PLD5: variants seen among roughly 807,000 people sequenced by gnomAD.
PLD5 encodes inactive phospholipase D5.
A neutral mutation model predicts 61.1 loss-of-function variants in PLD5; 36 were observed. That is an observed-to-expected ratio of 0.59 (90% CI 0.45 to 0.78). PLD5 has a LOEUF of 0.78. PLD5 is among the 30% of genes least tolerant of loss of function. The probability of loss-of-function intolerance (pLI) is 0.00; values close to 1 mark genes in which losing one functional copy is unlikely to be tolerated. For synonymous variants in PLD5, 243 were observed against 242.8 expected (o/e 1.00, Z -0.01); for missense variants, 515 against 644.4 (o/e 0.80, Z 2.17).
chr1:242,467,373 G>A (rs1667309420), intron 1 of PLD5, among the ~76,000 whole-genome samples: 1 of 152,144 alleles, frequency 6.6e-6, no homozygotes, highest in African/African-American at 2.4e-5. Context: ...TGAAGGTAGT[G>A]GTTATAGTAG....
At chr1:242,467,451 T>A (rs1259742331) in intron 1 of PLD5, among the ~76,000 whole-genome samples, 1 of 152,208 alleles carries the variant, frequency 6.6e-6, no homozygotes. Flanking sequence ...AAAGGCTTTG[T>A]GGTTTTTATA....
In PLD5 at chr1:242,460,631, A is replaced by G. The variant is rs114322554; in HGVS notation, c.189+63457T>C. ...CTATACAGACACACAAACAACACAT[A>G]CATACATACACACACATACACACAC... On this transcript the variant is annotated intron_variant, in intron 1 of 9. Transcript: ENST00000536534. Among the ~76,000 whole-genome samples the G allele has an allele frequency of 9.8e-3, 1,485 of 152,090 alleles. 31 individuals carry two copies. The highest frequency in any genetic ancestry group is 0.034 in the African/African-American group (1,415 of 41,414).
intron 1 of PLD5, among the ~76,000 whole-genome samples, chr1:242,398,954 G>C (rs1663762591): frequency 6.6e-6 from 1 of 152,102 alleles, no homozygotes; most frequent in African/African-American, 2.4e-5. Flanking sequence ...GACATAGTGA[G>C]CCCCCTCTCT....
rs559824196 is a variant in PLD5, at chr1:242,474,619, T to A, written c.189+49469A>T. Reference sequence around the variant, plus strand: ...CTTCCAAATACAGAACTGATTAGGTTATTCCTTTGCTTAAAACCCTCTAGT... The same window carrying A: ...CTTCCAAATACAGAACTGATTAGGTAATTCCTTTGCTTAAAACCCTCTAGT... On this transcript the variant is annotated intron_variant, in intron 1 of 9. Transcript: ENST00000536534. Among the ~76,000 whole-genome samples the A allele has an allele frequency of 1.1e-4, 17 of 152,330 alleles. No homozygotes were observed. The East Asian group carries it at 2.3e-3, about 21-fold the overall frequency.
chr1:242,524,057 G>T, intron 1 of PLD5, 31 bp downstream of exon 1: 1 of 1,524,202 alleles, frequency 6.6e-7, no homozygotes, highest in Non-Finnish European at 8.8e-7. Flanking sequence ...CAGGTGCCTG[G>T]CCGAGGCCCC....
chr1:242,460,481 A>G (rs1220307545), intron 1 of PLD5, among the ~76,000 whole-genome samples: 1 of 152,172 alleles, frequency 6.6e-6, no homozygotes, highest in East Asian at 1.9e-4. Context: ...CAAACTTCAT[A>G]ATTTCTTATA....
intron 2 of PLD5, among the ~76,000 whole-genome samples, chr1:242,313,297 C>T (rs186026788): frequency 1.3e-5 from 2 of 152,330 alleles, no homozygotes; most frequent in Non-Finnish European, 2.9e-5. Flanking sequence ...CTAATCTATG[C>T]TATGCCCATC....
intron 4 of PLD5, among the ~76,000 whole-genome samples, chr1:242,223,845 TATAA>T (rs1164924940): frequency 2.4e-5 from 3 of 124,698 alleles, no homozygotes; most frequent in African/African-American, 6.5e-5. Flanking sequence ...TGTAGATATA[TATAA>T]ATAGAGAGAG....
chr1:242,296,632 C>T (rs1340440738), intron 2 of PLD5, among the ~76,000 whole-genome samples: 1 of 152,146 alleles, frequency 6.6e-6, no homozygotes, highest in African/African-American at 2.4e-5. Context: ...TTCCCCAAGA[C>T]TTTGGATCAG....
intron 5 of PLD5, among the ~76,000 whole-genome samples, chr1:242,163,138 TTTTCTTTTC>T (rs1160762621): frequency 3.0e-5 from 4 of 131,406 alleles, no homozygotes; most frequent in Non-Finnish European, 6.7e-5. Context: ...TTTTATTTTC[TTTTCTTTTC>T]TTTCTTTTCT....
At chr1:242,199,628 G>A (rs1384953668) in intron 5 of PLD5, among the ~76,000 whole-genome samples, 1 of 152,106 alleles carries the variant, frequency 6.6e-6, no homozygotes, top group Non-Finnish European at 1.5e-5. Context: ...ATCCACTGAA[G>A]GAACATGCAA....
At chr1:242,108,150 G>A (rs1214224201) in intron 7 of PLD5, among the ~76,000 whole-genome samples, 2 of 152,074 alleles carry the variant, frequency 1.3e-5, no homozygotes, top group East Asian at 3.9e-4. Flanking sequence ...GACGCTACCT[G>A]GGCCTCAGTC....
intron 1 of PLD5, among the ~76,000 whole-genome samples, chr1:242,480,934 T>C (rs376156140): frequency 3.3e-5 from 5 of 152,166 alleles, no homozygotes; most frequent in African/African-American, 1.2e-4. Flanking sequence ...ATTTAAAAAA[T>C]AGTCTGGTAG....
chr1:242,259,665 T>A (rs1375086408), intron 4 of PLD5, among the ~76,000 whole-genome samples: 1 of 152,144 alleles, frequency 6.6e-6, no homozygotes, highest in Non-Finnish European at 1.5e-5. Context: ...CATTTTATCA[T>A]CCAACCATGA....
chr1:242,459,322 AG>A (rs1366893501), intron 1 of PLD5, among the ~76,000 whole-genome samples: 3 of 152,224 alleles, frequency 2.0e-5, no homozygotes, highest in African/African-American at 7.2e-5. Flanking sequence ...AGGCCTCTCA[AG>A]CACACTTACC....
intron 1 of PLD5, among the ~76,000 whole-genome samples, chr1:242,392,889 C>T (rs1031737621): frequency 1.3e-5 from 2 of 152,170 alleles, no homozygotes; most frequent in Non-Finnish European, 2.9e-5. Flanking sequence ...AAATTAAACA[C>T]ATGTACAAAG....
chr1:242,427,708 C>T (rs1489721190), intron 1 of PLD5, among the ~76,000 whole-genome samples: 1 of 152,176 alleles, frequency 6.6e-6, no homozygotes, highest in African/African-American at 2.4e-5. Flanking sequence ...TGATGATTAG[C>T]TGACAAAATT....
At chr1:242,168,709 T>C (rs1239129884) in intron 5 of PLD5, among the ~76,000 whole-genome samples, 1 of 152,170 alleles carries the variant, frequency 6.6e-6, no homozygotes, top group East Asian at 1.9e-4. Context: ...TGTTTGACAA[T>C]TGGATCTGAG....
At chr1:242,299,428 A>G (rs1675902550) in intron 2 of PLD5, among the ~76,000 whole-genome samples, 3 of 152,234 alleles carry the variant, frequency 2.0e-5, no homozygotes, top group Non-Finnish European at 2.9e-5. Flanking sequence ...GCATTTATTG[A>G]GGATAAGAAA....
Sources: allele counts gnomAD v4.1 joint callset (sites outside exome capture counted in the v4.1 genomes callset), GRCh38; gene constraint gnomAD v4.1.1; transcripts MANE v1.5; gene names NCBI Gene and HGNC (gene_info 2026-07-23, HGNC 2026-07-21).